Variants in ADCY5 observed in about 807,000 individuals in gnomAD.
ADCY5 encodes the protein adenylate cyclase type 5.
Under a neutral mutation model 119.7 loss-of-function variants are expected in ADCY5, and 30 were observed. That is an observed-to-expected ratio of 0.25 (90% CI 0.19 to 0.34). ADCY5 has a LOEUF of 0.34. Ranked by LOEUF, ADCY5 falls within the 10% of genes least tolerant of loss-of-function variation. The pLI is 1.00. For synonymous variants in ADCY5, 753 were observed against 762.2 expected (o/e 0.99, Z 0.20); for missense variants, 1,324 against 1,775.2 (o/e 0.75, Z 4.57).
At chr3:123,316,989 A>G (rs1042866776) in intron 11 of ADCY5, among the ~76,000 whole-genome samples, 3 of 152,130 alleles carry the variant, frequency 2.0e-5, no homozygotes, top group African/African-American at 7.2e-5. Flanking sequence ...GAGGAATTAC[A>G]TAATAAAAAG....
chr3:123,433,506 G>A (rs542383534), intron 1 of ADCY5, among the ~76,000 whole-genome samples: 2 of 152,284 alleles, frequency 1.3e-5, no homozygotes, highest in South Asian at 2.1e-4. Flanking sequence ...CTTAGCAAAC[G>A]AGTTTCATTT....
intron 1 of ADCY5, among the ~76,000 whole-genome samples, chr3:123,393,258 A>G (rs1364336908): frequency 6.6e-6 from 1 of 152,104 alleles, no homozygotes; most frequent in East Asian, 1.9e-4. Context: ...TCATCAATAA[A>G]ATGAGGGTGT....
At position 123,319,794 on chromosome 3, in the gene ADCY5, A is replaced by G; in HGVS notation, c.2136T>C (p.Pro712=). 8 of 1,614,142 alleles carry G rather than the reference A, an allele frequency of 5.0e-6. No individual in the cohort carries two copies. The highest frequency in any genetic ancestry group is 6.8e-6 in the Non-Finnish European group (8 of 1,179,990). The part of the protein sequence containing the change: ...KDKNAQESAN[P]EDEVDEFLGR... ...CCAGAAACTCATCCACTTCATCCTC[A>G]GGGTTCGCACTCTCCTGGGCGTTCC... is the stretch of plus-strand genomic sequence containing the variant. Residue 712 remains proline, a synonymous_variant, in exon 10 of 21, where the codon CCT becomes CCC. Transcript: ENST00000462833.
At chr3:123,339,761 C>T (rs1942190076) in intron 3 of ADCY5, among the ~76,000 whole-genome samples, 1 of 144,238 alleles carries the variant, frequency 6.9e-6, no homozygotes, top group Admixed American at 6.8e-5. Context: ...AAATCCTACC[C>T]CTACTGTACA....
chr3:123,293,057 G>A (rs981832065), intron 17 of ADCY5, among the ~76,000 whole-genome samples: 1 of 152,206 alleles, frequency 6.6e-6, no homozygotes. Flanking sequence ...GCACAGGTGG[G>A]CGCCTGACAA....
intron 12 of ADCY5, among the ~76,000 whole-genome samples, chr3:123,308,028 CTTTTTTTT>C (rs1178147327): frequency 1.2e-5 from 1 of 85,658 alleles, no homozygotes; most frequent in Admixed American, 1.7e-4. Context: ...TTTTCATGCT[CTTTTTTTT>C]TTTTTTTTTT....
intron 1 of ADCY5, 79 bp downstream of exon 1, chr3:123,447,333 G>C (rs1236670949): frequency 2.2e-6 from 3 of 1,371,670 alleles, no homozygotes; most frequent in Non-Finnish European, 2.9e-6. Context: ...AAAGGGTGAG[G>C]GTGGGATCCC....
At chr3:123,430,315 C>T (rs148255928) in intron 1 of ADCY5, among the ~76,000 whole-genome samples, 310 of 152,324 alleles carry the variant, frequency 2.0e-3, no homozygotes, top group Non-Finnish European at 4.0e-3. Context: ...ACAGGCCTCA[C>T]CTAGACACCA....
chr3:123,399,219 G>A (rs889054964), intron 1 of ADCY5, among the ~76,000 whole-genome samples: 2 of 152,192 alleles, frequency 1.3e-5, no homozygotes, highest in African/African-American at 2.4e-5. Context: ...TCACCCACAC[G>A]TATTTTTCAT....
chr3:123,419,933 C>G (rs555635991), intron 1 of ADCY5, among the ~76,000 whole-genome samples: 8 of 152,240 alleles, frequency 5.3e-5, no homozygotes, highest in African/African-American at 1.9e-4. Context: ...AGACACCCCC[C>G]CACCCCTCCA....
chr3:123,290,301 G>A (rs1939063017), intron 18 of ADCY5, among the ~76,000 whole-genome samples: 1 of 152,142 alleles, frequency 6.6e-6, no homozygotes, highest in Non-Finnish European at 1.5e-5. Flanking sequence ...TTGTCCAGCA[G>A]GCAAATTCTT....
At chr3:123,323,695 T>C (rs969942663) in intron 8 of ADCY5, among the ~76,000 whole-genome samples, 1 of 152,160 alleles carries the variant, frequency 6.6e-6, no homozygotes, top group Non-Finnish European at 1.5e-5. Context: ...GGTCTCGCTC[T>C]GTCCCCCAGG....
rs370640089 is a variant in ADCY5 at position 123,396,618 on chromosome 3, A to AGAAG, written c.1135-44041_1135-44038dup. Among the ~76,000 whole-genome samples the AGAAG allele has an allele frequency of 9.0e-4, 115 of 128,416 alleles. 2 individuals are homozygous for AGAAG. Among genetic ancestry groups the AGAAG allele is most frequent in the African/African-American group, 3.2e-3 (109 of 33,910 alleles). 84.2% of individuals were successfully genotyped at this position (128,416 alleles called of 152,430 possible). ...GAAAAAAGAGAGAAGGGAGGGAGGA[A>AGAAG]GAAGGGAGGGAGGGAGGGAAGGAGA... On this transcript the variant is annotated intron_variant, in intron 1 of 20. Coordinates refer to ENST00000462833, the MANE Select transcript of ADCY5 (RefSeq NM_183357.3).
At chr3:123,387,523 TAAC>T (rs1050607914) in intron 1 of ADCY5, among the ~76,000 whole-genome samples, 2 of 152,030 alleles carry the variant, frequency 1.3e-5, no homozygotes, top group South Asian at 2.1e-4. Flanking sequence ...TAGGTGACAG[TAAC>T]AACAACAACA....
At chr3:123,441,980 G>A (rs1451785693) in intron 1 of ADCY5, among the ~76,000 whole-genome samples, 79 of 139,162 alleles carry the variant, frequency 5.7e-4, no homozygotes, top group Admixed American at 6.5e-4. Flanking sequence ...CTTAAGGAAG[G>A]AAAAAAAAAA....
At chr3:123,332,840 G>A (rs980805972) in intron 3 of ADCY5, among the ~76,000 whole-genome samples, 165 bp from the exon 4 acceptor site, 1 of 151,572 alleles carries the variant, frequency 6.6e-6, no homozygotes, top group Non-Finnish European at 1.5e-5. Context: ...CTGCAGCCTC[G>A]ACTTCTTGGG....
chr3:123,319,873 AG>A, intron 9 of ADCY5, 55 bp from the exon 10 acceptor site: 1 of 1,593,610 alleles, frequency 6.3e-7, no homozygotes, highest in East Asian at 2.3e-5. Context: ...GCACCAGCAG[AG>A]GGCTGGCTCT....
chr3:123,294,620 A>G (rs538504497), intron 17 of ADCY5, among the ~76,000 whole-genome samples: 9 of 152,294 alleles, frequency 5.9e-5, no homozygotes, highest in African/African-American at 2.2e-4. Context: ...AAGATTGGCA[A>G]GGACCATGAG....
intron 1 of ADCY5, among the ~76,000 whole-genome samples, chr3:123,388,333 G>A (rs1485733711): frequency 6.6e-6 from 1 of 152,168 alleles, no homozygotes; most frequent in East Asian, 1.9e-4. Context: ...AGTGGGAGGC[G>A]AGGAGAGGGA....
Sources: allele counts gnomAD v4.1 joint callset (sites outside exome capture counted in the v4.1 genomes callset), GRCh38; gene constraint gnomAD v4.1.1; transcripts MANE v1.5; gene names NCBI Gene and HGNC (gene_info 2026-07-23, HGNC 2026-07-21).